Variants in ADGRL2 observed in about 807,000 individuals in gnomAD.
ADGRL2 encodes adhesion G protein-coupled receptor L2, also known as calcium-independent alpha-latrotoxin receptor 2.
ADGRL2 carries 44 observed loss-of-function variants against 157.4 expected under a neutral mutation model. That is an observed-to-expected ratio of 0.28 (90% confidence interval 0.22 to 0.36). The LOEUF (loss-of-function observed/expected upper bound fraction) is 0.36, where lower values mean the gene tolerates loss of function less well. Ranked by LOEUF, ADGRL2 falls within the 10% of genes least tolerant of loss-of-function variation. The probability of loss-of-function intolerance (pLI) is 1.00; values close to 1 mark genes in which losing one functional copy is unlikely to be tolerated. For missense variants in ADGRL2, 1,510 were observed against 1,768.9 expected (o/e 0.85, Z 2.63); for synonymous variants, 585 against 624.7 (o/e 0.94, Z 0.95).
chr1:81,419,566 C>A (rs994985299), intron 1 of ADGRL2, among the ~76,000 whole-genome samples: 1 of 152,188 alleles, frequency 6.6e-6, no homozygotes, highest in South Asian at 2.1e-4. Flanking sequence ...CAAATAACTA[C>A]TTATTTGCCA....
chr1:81,911,457 G>A (rs575965586), intron 3 of ADGRL2, among the ~76,000 whole-genome samples: 112 of 152,254 alleles, frequency 7.4e-4, no homozygotes, highest in Non-Finnish European at 1.1e-3. Flanking sequence ...TCTCTTTGCA[G>A]CAGTTGGGTA....
chr1:81,544,815 A>G (rs1311615398), intron 2 of ADGRL2, among the ~76,000 whole-genome samples: 1 of 152,176 alleles, frequency 6.6e-6, no homozygotes, highest in African/African-American at 2.4e-5. Context: ...GAATTTTTAG[A>G]AAGGTAACTC....
At chr1:81,821,285 A>G (rs1186944660) in intron 1 of ADGRL2, among the ~76,000 whole-genome samples, 1 of 152,186 alleles carries the variant, frequency 6.6e-6, no homozygotes, top group African/African-American at 2.4e-5. Flanking sequence ...TTACTTAGCA[A>G]CCTAAGTGAA....
At chr1:81,776,374 A>G (rs2086586039) in intron 2 of ADGRL2, among the ~76,000 whole-genome samples, 1 of 152,062 alleles carries the variant, frequency 6.6e-6, no homozygotes. Context: ...TTTTCAGTAG[A>G]GATGGGGTTT....
At chr1:81,431,360 C>T (rs1278996641) in intron 1 of ADGRL2, among the ~76,000 whole-genome samples, 6 of 152,040 alleles carry the variant, frequency 3.9e-5, no homozygotes, top group African/African-American at 9.7e-5. Context: ...AAAGTGATTC[C>T]GGAGCTGCCA....
Position 81,359,322 on chromosome 1 carries a change from G to C in ADGRL2, c.-302+52813G>C, listed in dbSNP as rs183435561. ...TCTGCTACAGGGTCAACTGGAGACA[G>C]AGTGGTGAATAAGACAGACTGCTGT... On this transcript the variant is annotated intron_variant, in intron 1 of 24. Coordinates refer to the ADGRL2 transcript ENST00000370721. Among the ~76,000 whole-genome samples the C allele has an allele frequency of 6.6e-4, 101 of 152,220 alleles. 1 individual carries two copies. Among genetic ancestry groups the C allele is most frequent in the African/African-American group, 2.4e-3 (100 of 41,582 alleles).
chr1:81,351,916 T>C (rs1662922930), intron 1 of ADGRL2, among the ~76,000 whole-genome samples: 1 of 152,226 alleles, frequency 6.6e-6, no homozygotes, highest in African/African-American at 2.4e-5. Context: ...CCATTTCACT[T>C]TTCAAGCAAT....
intron 1 of ADGRL2, among the ~76,000 whole-genome samples, chr1:81,740,898 G>A (rs571894771): frequency 6.6e-6 from 1 of 152,254 alleles, no homozygotes; most frequent in African/African-American, 2.4e-5. Flanking sequence ...TGTAAGTTGA[G>A]TGTGGAAAAG....
At chr1:81,802,090 C>T (rs1365129370) in intron 1 of ADGRL2, among the ~76,000 whole-genome samples, 1 of 150,162 alleles carries the variant, frequency 6.7e-6, no homozygotes, top group South Asian at 2.1e-4. Flanking sequence ...GCGCTGCCTC[C>T]CGCGCGGACT....
chr1:81,503,776 T>G (rs530385339), intron 2 of ADGRL2, among the ~76,000 whole-genome samples: 12 of 152,234 alleles, frequency 7.9e-5, no homozygotes, highest in African/African-American at 2.9e-4. Context: ...CGGGGCACAG[T>G]GTATCGACAA....
At chr1:81,626,982 T>C (rs1235528797) in intron 3 of ADGRL2, among the ~76,000 whole-genome samples, 1 of 152,134 alleles carries the variant, frequency 6.6e-6, no homozygotes, top group African/African-American at 2.4e-5. Flanking sequence ...CTAGACATGC[T>C]CTTTTTGCTT....
chr1:81,706,802 A>G (rs1237297702), intron 1 of ADGRL2, among the ~76,000 whole-genome samples: 2 of 152,130 alleles, frequency 1.3e-5, no homozygotes, highest in Non-Finnish European at 2.9e-5. Context: ...ACAGACAAGG[A>G]AGATGGAATA....
At chr1:81,532,972 C>CTATCTATCATCTATCT (rs200154872) in intron 2 of ADGRL2, among the ~76,000 whole-genome samples, 8 of 137,496 alleles carry the variant, frequency 5.8e-5, no homozygotes, top group South Asian at 2.2e-4. Flanking sequence ...ATCTATCTAT[C>CTATCTATCATCTATCT]ATCTATCTAT....
chr1:81,459,831 TACAC>T (rs771573199), intron 2 of ADGRL2, among the ~76,000 whole-genome samples: 2 of 100,968 alleles, frequency 2.0e-5, no homozygotes, highest in African/African-American at 6.3e-5. Context: ...TATATATATA[TACAC>T]ACACACACAT....
At chr1:81,687,872 C>T (rs534856729) in intron 3 of ADGRL2, among the ~76,000 whole-genome samples, 17 of 152,188 alleles carry the variant, frequency 1.1e-4, no homozygotes, top group Non-Finnish European at 1.5e-4. Flanking sequence ...TTGGTAATGG[C>T]GAATTCTCTC....
intron 3 of ADGRL2, among the ~76,000 whole-genome samples, chr1:81,669,705 G>A (rs2082828656): frequency 6.6e-6 from 1 of 152,090 alleles, no homozygotes; most frequent in African/African-American, 2.4e-5. Flanking sequence ...CACTTTGGGA[G>A]GCCAAGGCGG....
intron 3 of ADGRL2, among the ~76,000 whole-genome samples, chr1:81,685,817 C>T (rs916286501): frequency 6.6e-6 from 1 of 152,068 alleles, no homozygotes; most frequent in Admixed American, 6.5e-5. Context: ...CCTTGTATGC[C>T]GATTTTGCTG....
chr1:81,824,500 C>G (rs150685245), intron 1 of ADGRL2, among the ~76,000 whole-genome samples: 111 of 152,202 alleles, frequency 7.3e-4, no homozygotes, highest in Non-Finnish European at 1.3e-3. Flanking sequence ...AACTTGAACT[C>G]CTGGGCTCAA....
At chr1:81,527,793 C>T (rs2079498332) in intron 2 of ADGRL2, among the ~76,000 whole-genome samples, 1 of 152,028 alleles carries the variant, frequency 6.6e-6, no homozygotes, top group African/African-American at 2.4e-5. Context: ...TCTGGCCAGG[C>T]AAGGTGGCTC....
Sources: allele counts gnomAD v4.1 joint callset (sites outside exome capture counted in the v4.1 genomes callset), GRCh38; gene constraint gnomAD v4.1.1; transcripts MANE v1.5; gene names NCBI Gene and HGNC (gene_info 2026-07-23, HGNC 2026-07-21).